Variants in PLB1 observed in about 807,000 individuals in gnomAD.
The protein encoded by PLB1 is phospholipase B1.
A neutral mutation model predicts 227.4 loss-of-function variants in PLB1; 242 were observed. The observed-to-expected ratio is 1.06, with a 90% CI of 0.96 to 1.18. The LOEUF is 1.18. PLB1 is among the 50% of genes most tolerant of loss of function. The probability of loss-of-function intolerance (pLI) is 0.00; values close to 1 mark genes in which losing one functional copy is unlikely to be tolerated. For missense variants in PLB1, 1,858 were observed against 1,816.3 expected (o/e 1.02, Z -0.42); for synonymous variants, 757 against 682.2 (o/e 1.11, Z -1.71).
At chr2:28,631,479 C>G (rs1688628695) in intron 54 of PLB1, among the ~76,000 whole-genome samples, 1 of 152,210 alleles carries the variant, frequency 6.6e-6, no homozygotes, top group South Asian at 2.1e-4. Flanking sequence ...CACATCTTGG[C>G]TCATTTTTCC....
chr2:28,617,092 T>G (rs1686300211), intron 44 of PLB1, among the ~76,000 whole-genome samples: 1 of 152,148 alleles, frequency 6.6e-6, no homozygotes, highest in African/African-American at 2.4e-5. Context: ...ATGTTCTGTA[T>G]TAGAGACAAA....
intron 46 of PLB1, 119 bp from the exon 47 acceptor site, chr2:28,620,146 C>T (rs1163200592): frequency 5.8e-5 from 35 of 600,094 alleles, no homozygotes; most frequent in Non-Finnish European, 8.3e-5. Context: ...GGAGAAAAGC[C>T]GGTACTATTT....
chr2:28,563,603 T>C (rs900815297), intron 18 of PLB1, among the ~76,000 whole-genome samples: 1 of 152,120 alleles, frequency 6.6e-6, no homozygotes, highest in Admixed American at 6.5e-5. Context: ...CGGGAGTCTG[T>C]GGAAGAGGCA....
intron 9 of PLB1, among the ~76,000 whole-genome samples, chr2:28,534,902 C>T (rs762715767): frequency 3.8e-4 from 58 of 151,884 alleles, no homozygotes; most frequent in Non-Finnish European, 6.3e-4. Context: ...TCAAGAAAAG[C>T]GCCTGGAGTA....
At chr2:28,624,208 CCTG>C (rs1308780695) in intron 49 of PLB1, among the ~76,000 whole-genome samples, 2 of 152,196 alleles carry the variant, frequency 1.3e-5, no homozygotes, top group Non-Finnish European at 2.9e-5. Context: ...ATCTCTCCCT[CCTG>C]CTCCTTCCTG....
Position 28,541,829 on chromosome 2 carries a change from G to T in PLB1, c.879+18G>T. Reference sequence around the variant, plus strand: ...TACACTCGGTAAGTGGGGGCTGCATGGCGTATCAAGAGTGTGGTGGGGGCC... The same window carrying T: ...TACACTCGGTAAGTGGGGGCTGCATTGCGTATCAAGAGTGTGGTGGGGGCC... On this transcript the variant is annotated intron_variant, in intron 13 of 57. Coordinates refer to ENST00000327757, the MANE Select transcript of PLB1 (RefSeq NM_153021.5). The T allele has an allele frequency of 6.3e-7, 1 of 1,588,472 alleles. No homozygotes were observed. The highest frequency in any genetic ancestry group is 1.7e-5 in the Admixed American group (1 of 59,982).
chr2:28,549,434 T>TTTTG (rs60408643), intron 15 of PLB1, among the ~76,000 whole-genome samples: 1 of 146,148 alleles, frequency 6.8e-6, no homozygotes, highest in African/African-American at 2.5e-5. Flanking sequence ...TTTTTTTTTT[T>TTTTG]GAGACGGAGT....
At chr2:28,514,523 G>A (rs776345645) in intron 1 of PLB1, among the ~76,000 whole-genome samples, 41 of 152,170 alleles carry the variant, frequency 2.7e-4, no homozygotes, top group Non-Finnish European at 2.2e-4. Context: ...ATTTTGTGAT[G>A]CATGAAAATT....
chr2:28,608,631 C>G (rs1426869317), intron 43 of PLB1, among the ~76,000 whole-genome samples: 2 of 152,240 alleles, frequency 1.3e-5, no homozygotes, highest in Non-Finnish European at 2.9e-5. Flanking sequence ...AGCCTATACT[C>G]TGCCTTAATG....
Position 28,591,171 on chromosome 2 carries a change from G to T in PLB1, c.2127G>T (p.Gln709His). 6.2e-7 allele frequency: 1 copy of T among 1,614,204 alleles called. No individual in the cohort carries two copies. The highest frequency in any genetic ancestry group is 8.5e-7 in the Non-Finnish European group (1 of 1,180,022). Reference sequence around the variant, plus strand: ...TGAGGACCTACAAGAACAGCATGCAGGTACCTGCCTCTTGCCTCCTCTTGA... The same window carrying T: ...TGAGGACCTACAAGAACAGCATGCATGTACCTGCCTCTTGCCTCCTCTTGA... ...PFLRTYKNSM[Q>H]GHGTWLPCRD... The change falls in exon 30 of 58, where the codon CAG (glutamine) becomes CAT (histidine). Residue 709 changes from glutamine to histidine, a missense_variant and splice_region_variant. Gln to His is a conservative substitution (Grantham distance 24). Coordinates refer to ENST00000327757, the MANE Select transcript of PLB1 (RefSeq NM_153021.5).
chr2:28,611,049 GCCCAATAAAA>G (rs939018435), intron 43 of PLB1, among the ~76,000 whole-genome samples: 33 of 151,628 alleles, frequency 2.2e-4, no homozygotes, highest in Admixed American at 4.6e-4. Context: ...CTAAAAACAA[GCCCAATAAAA>G]CCCAATAAAA....
intron 26 of PLB1, among the ~76,000 whole-genome samples, chr2:28,587,397 C>A (rs574119181): frequency 6.6e-6 from 1 of 152,238 alleles, no homozygotes; most frequent in African/African-American, 2.4e-5. Flanking sequence ...GGGAGGATCA[C>A]TTGAGTTTAG....
chr2:28,543,187 C>G (rs1301078698), intron 13 of PLB1, 25 bp from the exon 14 acceptor site: 1 of 1,595,962 alleles, frequency 6.3e-7, no homozygotes, highest in Non-Finnish European at 8.5e-7. Context: ...ACAAAAGGTC[C>G]CGCTGTCAAC....
intron 56 of PLB1, 83 bp downstream of exon 56, chr2:28,633,122 G>A: frequency 8.4e-7 from 1 of 1,195,052 alleles, no homozygotes; most frequent in Non-Finnish European, 1.2e-6. Context: ...CAAAACTACT[G>A]GAGACATGGC....
intron 1 of PLB1, among the ~76,000 whole-genome samples, chr2:28,515,993 G>GA (rs1482832644): frequency 2.0e-5 from 3 of 152,274 alleles, no homozygotes; most frequent in African/African-American, 4.8e-5. Flanking sequence ...CTATGGTCAT[G>GA]AAAAAATGAA....
At chr2:28,616,802 AAAT>A in intron 44 of PLB1, among the ~76,000 whole-genome samples, 1 of 152,364 alleles carries the variant, frequency 6.6e-6, no homozygotes, top group South Asian at 2.1e-4. Context: ...AGGATTAAGC[AAAT>A]AATATTTAAA....
At chr2:28,592,545 G>T in intron 31 of PLB1, 116 bp from the exon 32 acceptor site, 1 of 1,029,052 alleles carries the variant, frequency 9.7e-7, no homozygotes, top group South Asian at 1.3e-5. Context: ...ACCCAGCCCT[G>T]CATGGCCCCA....
chr2:28,563,057 G>C lies in PLB1; in HGVS notation c.1164G>C (p.Pro388=). The C allele has an allele frequency of 6.2e-7, 1 of 1,613,826 alleles. No individual in the cohort carries two copies. The highest frequency in any genetic ancestry group is 8.5e-7 in the Non-Finnish European group (1 of 1,179,792). ...TVPTSVHRLK[P]ADINVIGALG... is the part of the protein sequence containing the mutation. ...TATTCTTAGTTCATAGGCTGAAGCCGGCTGACATCAACGTAATTGGAGCCC... is the reference window on the plus strand; with the variant it reads ...TATTCTTAGTTCATAGGCTGAAGCCCGCTGACATCAACGTAATTGGAGCCC... Residue 388 remains proline, a synonymous_variant, in exon 18 of 58, where the codon CCG becomes CCC. Coordinates refer to ENST00000327757, the MANE Select transcript of PLB1 (RefSeq NM_153021.5).
At chr2:28,586,286 C>T (rs1444546921) in intron 26 of PLB1, among the ~76,000 whole-genome samples, 1 of 152,170 alleles carries the variant, frequency 6.6e-6, no homozygotes, top group East Asian at 1.9e-4. Context: ...CTCCAGGGTT[C>T]AGTGACACAG....
Sources: allele counts gnomAD v4.1 joint callset (sites outside exome capture counted in the v4.1 genomes callset), GRCh38; gene constraint gnomAD v4.1.1; transcripts MANE v1.5; gene names NCBI Gene and HGNC (gene_info 2026-07-23, HGNC 2026-07-21).